APAF1: variants seen among roughly 807,000 people sequenced by gnomAD.
APAF1 encodes the protein apoptotic peptidase activating factor 1.
A neutral mutation model predicts 152.4 loss-of-function variants in APAF1; 91 were observed. The observed-to-expected ratio is 0.60, with a 90% CI of 0.50 to 0.71. The LOEUF is 0.71. Ranked by LOEUF, APAF1 falls within the 30% of genes least tolerant of loss-of-function variation. APAF1 has a pLI of 0.00. For synonymous variants in APAF1, 484 were observed against 494.1 expected, an observed-to-expected ratio of 0.98 and a Z score of 0.27; for missense variants, 1,283 against 1,472.0, an observed-to-expected ratio of 0.87 and a Z score of 2.10.
chr12:98,651,631 C>T (rs960517770), intron 4 of APAF1, among the ~76,000 whole-genome samples: 1 of 151,950 alleles, frequency 6.6e-6, no homozygotes, highest in African/African-American at 2.4e-5. Flanking sequence ...GTATTTGTAG[C>T]TAGGAGCAAA....
At chr12:98,723,502 A>G in intron 23 of APAF1, 137 bp from the exon 24 acceptor site, 1 of 995,564 alleles carries the variant, frequency 1.0e-6, no homozygotes, top group Middle Eastern at 3.3e-4. Context: ...TGTTAGTCAC[A>G]TTTAAAGTAA....
At chr12:98,647,522 G>A (rs949537433) in intron 1 of APAF1, among the ~76,000 whole-genome samples, 4 of 151,786 alleles carry the variant, frequency 2.6e-5, no homozygotes, top group African/African-American at 7.3e-5. Flanking sequence ...ACAGGCACCT[G>A]CCACTGCATC....
rs1222249423 is a variant in APAF1 at position 98,724,317 on chromosome 12, TTTCCTC to T, written c.3330+554_3330+559del. ...TTTGTCACCACCCTGAAGAGCATGC[TTTCCTC>T]CTCCTCCACTGGTGAACTGTCCCAG... On this transcript the variant is annotated intron_variant, in intron 24 of 26. Coordinates refer to ENST00000551964, the MANE Select transcript of APAF1 (RefSeq NM_181861.2). Among the ~76,000 whole-genome samples, 505 of 152,296 alleles carry T rather than the reference TTTCCTC, an allele frequency of 3.3e-3. 2 individuals carry two copies. The highest frequency in any genetic ancestry group is 0.012 in the African/African-American group (486 of 41,572).
rs768457157 is a variant in APAF1 at position 98,649,480 on chromosome 12, A to AT, written c.329-3dup. The AT allele has an allele frequency of 6.2e-7, 1 of 1,613,776 alleles. No individual in the cohort carries two copies. The highest frequency in any genetic ancestry group is 8.5e-7 in the Non-Finnish European group (1 of 1,179,828). On this transcript the variant is annotated splice_region_variant and splice_polypyrimidine_tract_variant and intron_variant, in intron 3 of 26. Coordinates refer to ENST00000551964, the MANE Select transcript of APAF1 (RefSeq NM_181861.2). The stretch of plus-strand genomic sequence containing the variant: ...TTCATTCATGCTTGTTTTGTTTTGG[A>AT]TTTTAGTAAGGACAGTCCTGTGTGA...
intron 17 of APAF1, among the ~76,000 whole-genome samples, chr12:98,701,081 TC>T (rs1421590950): frequency 6.6e-6 from 1 of 152,200 alleles, no homozygotes; most frequent in Admixed American, 6.5e-5. Context: ...ATATTCCTCT[TC>T]AGAAAACTTT....
At position 98,649,602 on chromosome 12, in the gene APAF1, A is replaced by G; in HGVS notation, c.444A>G (p.Gly148=). The change falls in exon 4 of 27, where the codon GGA becomes GGG. Residue 148 remains glycine (G), a synonymous_variant. Coordinates refer to ENST00000551964, the MANE Select transcript of APAF1 (RefSeq NM_181861.2). The part of the protein sequence containing the change: ...QKLSKLKGEP[G]WVTIHGMAGC... ...TCTCCAAATTGAAAGGTGAACCAGG[A>G]TGGGTCACCATACATGGAATGGCAG... is the stretch of plus-strand genomic sequence containing the variant. 6.2e-7 allele frequency: 1 copy of G among 1,614,016 alleles called. No individual in the cohort carries two copies. Among genetic ancestry groups the G allele is most frequent in the Non-Finnish European group, 8.5e-7 (1 of 1,179,866 alleles).
chr12:98,660,584 GCTTGT>G (rs2153313766), intron 5 of APAF1, among the ~76,000 whole-genome samples: 1 of 152,318 alleles, frequency 6.6e-6, no homozygotes, highest in African/African-American at 2.4e-5. Flanking sequence ...TTTAGTTGCT[GCTTGT>G]CTTAAGAGTA....
chr12:98,732,059 AG>A (rs909007643), intron 26 of APAF1, among the ~76,000 whole-genome samples: 15 of 152,054 alleles, frequency 9.9e-5, no homozygotes, highest in Admixed American at 2.0e-4. Flanking sequence ...GAGTGAAGAG[AG>A]GGGGAATCTT....
At chr12:98,713,920 A>T (rs1035569190) in intron 21 of APAF1, among the ~76,000 whole-genome samples, 32 of 152,170 alleles carry the variant, frequency 2.1e-4, no homozygotes, top group Non-Finnish European at 4.4e-5. Flanking sequence ...CATGGCCCTT[A>T]TGTCATGGAT....
intron 16 of APAF1, among the ~76,000 whole-genome samples, chr12:98,695,189 A>G (rs1593077895): frequency 6.6e-6 from 1 of 151,982 alleles, no homozygotes; most frequent in East Asian, 1.9e-4. Context: ...AGTAGCTGGG[A>G]TTACAGGCAC....
intron 19 of APAF1, among the ~76,000 whole-genome samples, chr12:98,706,843 T>G (rs2097721925): frequency 6.6e-6 from 1 of 152,242 alleles, no homozygotes; most frequent in African/African-American, 2.4e-5. Flanking sequence ...GTGATTAAAC[T>G]GTATTTTGGT....
At chr12:98,728,566 C>G (rs1440963971) in intron 26 of APAF1, among the ~76,000 whole-genome samples, 1 of 151,778 alleles carries the variant, frequency 6.6e-6, no homozygotes, top group Non-Finnish European at 1.5e-5. Flanking sequence ...CTAAAAAATA[C>G]AAAAATTAGC....
At chr12:98,730,962 G>T in intron 26 of APAF1, among the ~76,000 whole-genome samples, 1 of 152,232 alleles carries the variant, frequency 6.6e-6, no homozygotes, top group East Asian at 1.9e-4. Context: ...ATTAATTCAT[G>T]TGCATGAAGG....
At chr12:98,646,168 ATTAG>A (rs2097640040) in intron 1 of APAF1, among the ~76,000 whole-genome samples, 1 of 152,274 alleles carries the variant, frequency 6.6e-6, no homozygotes. Context: ...GAAATTGGAA[ATTAG>A]TTTCAGAAAA....
intron 11 of APAF1, among the ~76,000 whole-genome samples, chr12:98,671,309 A>T (rs1163303912): frequency 3.3e-5 from 5 of 152,032 alleles, no homozygotes; most frequent in Admixed American, 1.3e-4. Flanking sequence ...TGGTTTTTTT[A>T]AAAAAAGAAT....
chr12:98,712,546 C>A lies in APAF1; in HGVS notation c.2958+111C>A, dbSNP rs2097729147. ...TTTATTTTTATTTTTGAAATGGGGT[C>A]TTGCTGTGTCACCCACGCTGAGTAC... On this transcript the variant is annotated intron_variant, in intron 21 of 26. Transcript: ENST00000551964. The A allele has an allele frequency of 4.1e-6, 3 of 723,310 alleles. No homozygotes were observed. The African/African-American group carries it at 5.3e-5, about 13-fold the overall frequency. The allele number at this position is 723,310 out of a possible 1,614,324, so 44.8% of individuals were successfully genotyped here.
At chr12:98,687,953 A>G (rs1593068281) in intron 16 of APAF1, among the ~76,000 whole-genome samples, 1 of 152,142 alleles carries the variant, frequency 6.6e-6, no homozygotes, top group African/African-American at 2.4e-5. Context: ...ATAGGAGTAC[A>G]GGCGCCTGCC....
At chr12:98,710,190 T>C (rs2153338650) in intron 20 of APAF1, among the ~76,000 whole-genome samples, 1 of 151,442 alleles carries the variant, frequency 6.6e-6, no homozygotes, top group South Asian at 2.1e-4. Context: ...TTTTTTTTTT[T>C]TTTTTTTTGT....
At chr12:98,682,879 C>T (rs936876569) in intron 14 of APAF1, among the ~76,000 whole-genome samples, 2 of 152,110 alleles carry the variant, frequency 1.3e-5, no homozygotes, top group African/African-American at 4.8e-5. Flanking sequence ...AAATCTTGCC[C>T]TTAAGAAATG....
Sources: allele counts gnomAD v4.1 joint callset (sites outside exome capture counted in the v4.1 genomes callset), GRCh38; gene constraint gnomAD v4.1.1; transcripts MANE v1.5; gene names NCBI Gene and HGNC (gene_info 2026-07-23, HGNC 2026-07-21).